SPCS3: variants seen among roughly 807,000 people sequenced by gnomAD.
SPCS3 encodes the protein SPase 22 kDa subunit.
Under a neutral mutation model 17.2 loss-of-function variants are expected in SPCS3, and 9 were observed. That is an observed-to-expected ratio of 0.52 (90% CI 0.31 to 0.91). SPCS3 has a LOEUF of 0.91. SPCS3 is among the 40% of genes least tolerant of loss of function. The pLI is 0.04. For synonymous variants in SPCS3, 87 were observed against 89.6 expected (o/e 0.97, Z 0.16); for missense variants, 139 against 217.5 (o/e 0.64, Z 2.27).
chr4:176,324,271 A>T lies in SPCS3; in HGVS notation c.294+14A>T. ...ACAAAAAATAATGTAAGTATATCTA[A>T]TTAGAAGTATTTTAATAGCTATTTA... On this transcript the variant is annotated intron_variant, in intron 3 of 4. Coordinates refer to ENST00000503362, the MANE Select transcript of SPCS3 (RefSeq NM_021928.4). 9.5e-7 allele frequency: 1 copy of T among 1,057,978 alleles called. No individual in the cohort carries two copies. Among genetic ancestry groups the T allele is most frequent in the East Asian group, 3.2e-5 (1 of 30,880 alleles). 65.5% of individuals were successfully genotyped at this position (1,057,978 alleles called of 1,614,324 possible).
At chr4:176,321,156 C>A (rs1046713771) in intron 1 of SPCS3, 3 of 151,106 alleles carry the variant, frequency 2.0e-5, no homozygotes, top group Non-Finnish European at 4.4e-5. Flanking sequence ...GAGCCTTCTC[C>A]CCCCACCTTT....
Position 176,327,180 on chromosome 4 carries a change from C to A in SPCS3, c.313C>A (p.Leu105Ile). The A allele has an allele frequency of 1.9e-6, 3 of 1,584,758 alleles. No homozygotes were observed. Among genetic ancestry groups the A allele is most frequent in the South Asian group, 2.4e-5 (2 of 84,838 alleles). ...TKNNALNQVVLWDKIVLRGDN... is the reference protein window; with the variant it reads ...TKNNALNQVVIWDKIVLRGDN... ...AATATAGGCTCTGAACCAAGTTGTC[C>A]TATGGGACAAGATTGTTTTGAGAGG... The change falls in exon 4 of 5, where the codon CTA becomes ATA. Residue 105 changes from leucine to isoleucine, a missense_variant. Physicochemically the swap from Leu to Ile is conservative, Grantham distance 5 (BLOSUM62 2). Transcript: ENST00000503362.
At chr4:176,325,695 A>T (rs1339217559) in intron 3 of SPCS3, among the ~76,000 whole-genome samples, 1 of 152,120 alleles carries the variant, frequency 6.6e-6, no homozygotes, top group Non-Finnish European at 1.5e-5. Flanking sequence ...GGGATTCATT[A>T]ATCTGAGTAT....
At position 176,319,972 on chromosome 4, in the gene SPCS3, GGAAC is replaced by G. The variant is rs984033161; in HGVS notation, c.-103_-100del. 14 of 1,294,696 alleles carry G rather than the reference GGAAC, an allele frequency of 1.1e-5. No homozygotes were observed. The Admixed American group carries it at 3.9e-4, about 36-fold the overall frequency. The allele number at this position is 1,294,696 out of a possible 1,614,324, so 80.2% of individuals were successfully genotyped here. On this transcript the variant is annotated 5_prime_UTR_variant, in exon 1 of 5. Transcript: ENST00000503362. Reference sequence around the variant, plus strand: ...CGGGGCTGCGGCGGCGCGCGCTCCCGGAACGCGCGCACCGCAGACGGCGCGGATC... The same window carrying G: ...CGGGGCTGCGGCGGCGCGCGCTCCCGGCGCGCACCGCAGACGGCGCGGATC...
At chr4:176,325,064 T>C (rs1454901582) in intron 3 of SPCS3, among the ~76,000 whole-genome samples, 3 of 150,646 alleles carry the variant, frequency 2.0e-5, no homozygotes, top group Non-Finnish European at 4.4e-5. Flanking sequence ...TTTTTTTTTT[T>C]TTTTAAGACA....
At chr4:176,320,303 C>G (rs889386028) in intron 1 of SPCS3, 84 bp downstream of exon 1, 3 of 1,206,212 alleles carry the variant, frequency 2.5e-6, no homozygotes, top group Admixed American at 4.5e-5. Flanking sequence ...CCGGGGCTGC[C>G]GTGCCGGGGC....
At chr4:176,328,174 T>A (rs2127002311) in intron 4 of SPCS3, 24 bp from the exon 5 acceptor site, 1 of 1,607,084 alleles carries the variant, frequency 6.2e-7, no homozygotes, top group Middle Eastern at 1.7e-4. Flanking sequence ...TCTGATGACT[T>A]GTGTTTATTA....
rs1426419566 is a variant in SPCS3, at chr4:176,320,346, C to A, written c.143+127C>A. On this transcript the variant is annotated intron_variant, in intron 1 of 4. Transcript: ENST00000503362. The stretch of plus-strand genomic sequence containing the variant: ...AGGGCGTCCGGATCGCCCTCCTGAG[C>A]GGCAGTTCGCCCCCGAGGGCGGTCG... The A allele has an allele frequency of 1.1e-5, 10 of 915,692 alleles. No homozygotes were observed. In the Admixed American group the frequency reaches 4.2e-4, roughly 39 times the overall value. The allele number at this position is 915,692 out of a possible 1,614,324, so 56.7% of individuals were successfully genotyped here. A position where few individuals can be genotyped will look rare whatever the true frequency, so the allele number is the denominator to read the frequency against.
chr4:176,330,448 A>G lies in SPCS3; in HGVS notation c.*2118A>G, dbSNP rs1731670886. 6.6e-6 allele frequency: 1 copy of G among 152,336 alleles called. No individual in the cohort carries two copies. The highest frequency in any genetic ancestry group is 1.9e-4 in the East Asian group (1 of 5,182). 9.4% of individuals were successfully genotyped at this position (152,336 alleles called of 1,614,324 possible). A position where few individuals can be genotyped will look rare whatever the true frequency, so the allele number is the denominator to read the frequency against. ...CTGGTAGAGATTAATGTTGAAATTT[A>G]CTTGAATTACAGTTATTTGACAAGC... is the stretch of plus-strand genomic sequence containing the variant. On this transcript the variant is annotated 3_prime_UTR_variant, in exon 5 of 5. Transcript: ENST00000503362.
At chr4:176,323,516 G>A (rs1731564254) in intron 2 of SPCS3, among the ~76,000 whole-genome samples, 1 of 152,126 alleles carries the variant, frequency 6.6e-6, no homozygotes, top group South Asian at 2.1e-4. Flanking sequence ...AACTCATATA[G>A]TAAAATGAGT....
chr4:176,321,941 T>C, intron 1 of SPCS3: 1 of 345,146 alleles, frequency 2.9e-6, no homozygotes, highest in Non-Finnish European at 5.3e-6. Flanking sequence ...CTTCTGAGTT[T>C]TGTTAGGGAT....
At chr4:176,326,075 G>A (rs746997726) in intron 3 of SPCS3, among the ~76,000 whole-genome samples, 12 of 152,122 alleles carry the variant, frequency 7.9e-5, no homozygotes, top group Non-Finnish European at 1.3e-4. Flanking sequence ...TGAGGCAGGT[G>A]GACCACCTGA....
intron 4 of SPCS3, among the ~76,000 whole-genome samples, chr4:176,327,933 T>C (rs923873566): frequency 4.6e-5 from 7 of 152,206 alleles, no homozygotes; most frequent in Non-Finnish European, 1.0e-4. Context: ...TCATTTAAAC[T>C]TTTCGGTTGA....
At chr4:176,321,810 C>T (rs771726923) in intron 1 of SPCS3, 1 of 158,148 alleles carries the variant, frequency 6.3e-6, no homozygotes, top group Non-Finnish European at 1.4e-5. Context: ...CTGTATCACC[C>T]TTTAATATGC....
At chr4:176,324,300 T>G (rs912726538) in intron 3 of SPCS3, 43 bp downstream of exon 3, 4 of 885,428 alleles carry the variant, frequency 4.5e-6, no homozygotes, top group Middle Eastern at 3.9e-4. Flanking sequence ...CTATTTAAAG[T>G]CTTACTCTTT....
In SPCS3 at chr4:176,320,070, G is replaced by A. The variant is rs1311770617; in HGVS notation, c.-7G>A. 1.3e-6 allele frequency: 2 copies of A among 1,547,118 alleles called. No individual in the cohort carries two copies. Among genetic ancestry groups the A allele is most frequent in the African/African-American group, 1.4e-5 (1 of 70,272 alleles). On this transcript the variant is annotated 5_prime_UTR_variant, in exon 1 of 5. Coordinates refer to ENST00000503362, the MANE Select transcript of SPCS3 (RefSeq NM_021928.4). Reference sequence around the variant, plus strand: ...TGTGGAGTCCGGACTCGTGGGAGACGATCGCGATGAACACGGTGCTGTCGC... The same window carrying A: ...TGTGGAGTCCGGACTCGTGGGAGACAATCGCGATGAACACGGTGCTGTCGC...
At chr4:176,324,987 A>G (rs889884387) in intron 3 of SPCS3, among the ~76,000 whole-genome samples, 1 of 152,118 alleles carries the variant, frequency 6.6e-6, no homozygotes, top group Non-Finnish European at 1.5e-5. Flanking sequence ...CTGAACTATC[A>G]ACTAGGAAAT....
At chr4:176,323,920 G>A (rs1731570443) in intron 2 of SPCS3, among the ~76,000 whole-genome samples, 1 of 150,786 alleles carries the variant, frequency 6.6e-6, no homozygotes, top group Admixed American at 6.6e-5. Flanking sequence ...ACTAGTCAAA[G>A]TATCTCAGCT....
At position 176,322,158 on chromosome 4, in the gene SPCS3, C is replaced by T. The variant is rs1731547100; in HGVS notation, c.144-12C>T. 11 of 1,568,100 alleles carry T rather than the reference C, an allele frequency of 7.0e-6. No individual in the cohort carries two copies. The highest frequency in any genetic ancestry group is 7.9e-6 in the Non-Finnish European group (9 of 1,139,946). ...GTTGGAAGGATGGTAAAACTTTTATCTTTATTCCTAGAAAAAATGTAGAAG... is the reference window on the plus strand; with the variant it reads ...GTTGGAAGGATGGTAAAACTTTTATTTTTATTCCTAGAAAAAATGTAGAAG... On this transcript the variant is annotated splice_polypyrimidine_tract_variant and intron_variant, in intron 1 of 4. Coordinates refer to ENST00000503362, the MANE Select transcript of SPCS3 (RefSeq NM_021928.4).
Sources: gnomAD v4.1 joint callset for allele counts (sites outside exome capture counted in the v4.1 genomes callset) on GRCh38, gnomAD v4.1.1 for gene constraint, MANE v1.5 for transcripts, NCBI Gene and HGNC (gene_info 2026-07-23, HGNC 2026-07-21) for gene names.